PDSS1: variants seen among roughly 807,000 people sequenced by gnomAD.
PDSS1 encodes decaprenyl diphosphate synthase subunit 1.
A neutral mutation model predicts 57.5 loss-of-function variants in PDSS1; 43 were observed. That is an observed-to-expected ratio of 0.75 (90% CI 0.59 to 0.96). PDSS1 has a LOEUF of 0.96. Among genes scored for constraint, PDSS1 ranks in the 50% least tolerant of loss-of-function variants. PDSS1 has a pLI of 0.00. For synonymous variants in PDSS1, 175 were observed against 191.3 expected (o/e 0.91, Z 0.70); for missense variants, 438 against 527.8 (o/e 0.83, Z 1.67).
Position 26,746,499 on chromosome 10 carries a change from C to CTA in PDSS1, c.*28_*29dup, listed in dbSNP as rs1836923185. 1 of 1,611,872 alleles carries CTA rather than the reference C, an allele frequency of 6.2e-7. No homozygotes were observed. The highest frequency in any genetic ancestry group is 1.3e-5 in the African/African-American group (1 of 74,870). On this transcript the variant is annotated 3_prime_UTR_variant, in exon 12 of 12. Transcript: ENST00000376215. ...CAACTCTTTCTGTTCTTTCTGGCAG[C>CTA]TATCTTACCAGACTGTGCCTAAAGA...
chr10:26,728,404 T>G (rs540327203), intron 8 of PDSS1, among the ~76,000 whole-genome samples: 2 of 152,040 alleles, frequency 1.3e-5, no homozygotes, highest in East Asian at 3.9e-4. Flanking sequence ...ACAGGAGAAT[T>G]GCTTGAATCC....
intron 11 of PDSS1, 125 bp from the exon 12 acceptor site, chr10:26,746,208 A>G (rs1836890808): frequency 1.0e-6 from 1 of 974,488 alleles, no homozygotes; most frequent in Admixed American, 1.8e-5. Flanking sequence ...ATGTAGTTTG[A>G]CTGTTAACTG....
At chr10:26,718,761 CAAAAAAAAA>C (rs71930768) in intron 5 of PDSS1, 4 of 99,634 alleles carry the variant, frequency 4.0e-5, no homozygotes, top group Non-Finnish European at 7.9e-5. Flanking sequence ...AATTCCATCT[CAAAAAAAAA>C]AAAAAAAAAG....
At chr10:26,715,698 C>G (rs1835549765) in intron 5 of PDSS1, 1 of 152,086 alleles carries the variant, frequency 6.6e-6, no homozygotes, top group African/African-American at 2.4e-5. Flanking sequence ...CGCCTGGGCA[C>G]TCCTACACTT....
In PDSS1 at chr10:26,712,328, T is replaced by C. The variant is rs113474607; in HGVS notation, c.467+2560T>C. Among the ~76,000 whole-genome samples, 13 of 100,338 alleles carry C rather than the reference T, an allele frequency of 1.3e-4. 3 individuals are homozygous for C. Among genetic ancestry groups the C allele is most frequent in the African/African-American group, 4.2e-4 (13 of 31,046 alleles). The allele number at this position is 100,338 out of a possible 152,430, so 65.8% of individuals were successfully genotyped here. On this transcript the variant is annotated intron_variant, in intron 5 of 11. Transcript: ENST00000376215. ...TTTGAAGTTTTTTCAGCCTGCCTTA[T>C]GGAAACTGTATAAATTGTTAGTTGC...
intron 6 of PDSS1, among the ~76,000 whole-genome samples, chr10:26,721,973 A>G (rs767497001): frequency 1.3e-5 from 2 of 151,984 alleles, no homozygotes; most frequent in Non-Finnish European, 2.9e-5. Flanking sequence ...CCCCCCACAC[A>G]CAGTGCCCCC....
chr10:26,731,717 T>A (rs575343429), intron 8 of PDSS1, among the ~76,000 whole-genome samples: 1 of 152,330 alleles, frequency 6.6e-6, no homozygotes, highest in South Asian at 2.1e-4. Flanking sequence ...TAGAGGAGAA[T>A]GTATTGCAGT....
At position 26,705,306 on chromosome 10, in the gene PDSS1, A is replaced by G. The variant is rs372198028; in HGVS notation, c.248A>G (p.Asp83Gly). 30 of 1,611,330 alleles carry G rather than the reference A, an allele frequency of 1.9e-5. No homozygotes were observed. Among genetic ancestry groups the G allele is most frequent in the Non-Finnish European group, 2.5e-5 (29 of 1,177,724 alleles). Residue 83 changes from aspartate (D) to glycine (G), a missense_variant, in exon 4 of 12, where the codon GAC becomes GGC. This residue lies in a region of PDSS1 where 154 missense variants were observed against 137.0 expected (regional missense o/e 1.12). Transcript: ENST00000376215. ...RISRFHHTTP[D>G]SKTHSGEKYT... ...CCCAGGTTTCATCACACAACCCCAG[A>G]CAGTAAAACACACAGTGGTGAAAAA...
At chr10:26,714,335 G>A (rs73594397) in intron 5 of PDSS1, among the ~76,000 whole-genome samples, 2,391 of 151,910 alleles carry the variant, frequency 0.016, 91 homozygotes, top group South Asian at 0.15. Flanking sequence ...TTAGCCAGTC[G>A]TGGTGACACA....
chr10:26,697,898 A>G (rs1031182851), intron 1 of PDSS1, 58 bp downstream of exon 1: 19 of 1,234,304 alleles, frequency 1.5e-5, no homozygotes, highest in Non-Finnish European at 1.9e-5. Context: ...CAATGACAGC[A>G]GTGGGCGGAA....
intron 5 of PDSS1, chr10:26,715,380 T>A (rs1167697445): frequency 6.6e-6 from 1 of 151,882 alleles, no homozygotes; most frequent in Non-Finnish European, 1.5e-5. Context: ...AGGCTGATTC[T>A]GTCTGCAAAG....
intron 10 of PDSS1, among the ~76,000 whole-genome samples, chr10:26,737,278 G>A (rs1382350290): frequency 1.3e-5 from 2 of 152,196 alleles, no homozygotes; most frequent in East Asian, 1.9e-4. Flanking sequence ...GTGAGAGGAG[G>A]CTGGCCTCTT....
At chr10:26,723,754 C>G in intron 6 of PDSS1, 52 bp from the exon 7 acceptor site, 3 of 1,239,860 alleles carry the variant, frequency 2.4e-6, no homozygotes, top group Non-Finnish European at 3.6e-6. Flanking sequence ...ATTGGCTCTA[C>G]TGCTCTGATG....
intron 11 of PDSS1, 124 bp from the exon 12 acceptor site, chr10:26,746,209 C>G (rs1048204502): frequency 1.8e-5 from 18 of 982,972 alleles, no homozygotes; most frequent in African/African-American, 3.2e-5. Flanking sequence ...TGTAGTTTGA[C>G]TGTTAACTGT....
intron 8 of PDSS1, among the ~76,000 whole-genome samples, chr10:26,734,996 C>T (rs758171807): frequency 2.6e-5 from 4 of 152,218 alleles, no homozygotes; most frequent in Non-Finnish European, 4.4e-5. Context: ...GCTGCTTATC[C>T]TGTCTGAAAG....
intron 5 of PDSS1, among the ~76,000 whole-genome samples, chr10:26,716,212 C>A (rs1835569333): frequency 6.6e-6 from 1 of 152,046 alleles, no homozygotes; most frequent in African/African-American, 2.4e-5. Flanking sequence ...AGATTGGAGG[C>A]GCCCTTGATA....
chr10:26,713,463 C>G (rs115461248), intron 5 of PDSS1, among the ~76,000 whole-genome samples: 4 of 152,022 alleles, frequency 2.6e-5, no homozygotes, highest in African/African-American at 9.7e-5. Context: ...ATTAAATGTT[C>G]CCTACTAGAT....
intron 1 of PDSS1, among the ~76,000 whole-genome samples, chr10:26,699,921 G>A (rs1156552149): frequency 6.6e-6 from 1 of 152,150 alleles, no homozygotes; most frequent in Non-Finnish European, 1.5e-5. Context: ...TCAGGCATGT[G>A]TATTTTGGTT....
chr10:26,714,056 G>A (rs1175071036), intron 5 of PDSS1, among the ~76,000 whole-genome samples: 2 of 152,068 alleles, frequency 1.3e-5, no homozygotes, highest in Non-Finnish European at 2.9e-5. Context: ...TAATCCCAAG[G>A]GATAATCCCG....
Sources: gnomAD v4.1 joint callset for allele counts (sites outside exome capture counted in the v4.1 genomes callset) on GRCh38, gnomAD v4.1.1 for gene constraint, gnomAD v4.1.1 regional missense constraint, MANE v1.5 for transcripts, NCBI Gene and HGNC (gene_info 2026-07-23, HGNC 2026-07-21) for gene names.